Variants in MDGA1 observed in about 807,000 individuals in gnomAD.
The protein encoded by MDGA1 is MAM domain containing glycosylphosphatidylinositol anchor 1.
A neutral mutation model predicts 101.5 loss-of-function variants in MDGA1; 54 were observed. The observed-to-expected ratio is 0.53, with a 90% CI of 0.43 to 0.67. The LOEUF (loss-of-function observed/expected upper bound fraction) is 0.67. MDGA1 is among the 30% of genes least tolerant of loss of function. MDGA1 has a pLI of 0.00. For missense variants in MDGA1, 1,083 were observed against 1,323.8 expected, an observed-to-expected ratio of 0.82 and a Z score of 2.82; for synonymous variants, 533 against 558.3, an observed-to-expected ratio of 0.95 and a Z score of 0.64.
chr6:37,677,267 C>T (rs1343621677), intron 1 of MDGA1, among the ~76,000 whole-genome samples: 1 of 152,188 alleles, frequency 6.6e-6, no homozygotes, highest in Non-Finnish European at 1.5e-5. Context: ...TTCCGTCACA[C>T]AACCCGGCAG....
chr6:37,643,807 A>C lies in MDGA1; in HGVS notation c.2536+2T>G. 1 of 1,613,526 alleles carries C rather than the reference A, an allele frequency of 6.2e-7. No homozygotes were observed. The highest frequency in any genetic ancestry group is 8.5e-7 in the Non-Finnish European group (1 of 1,179,730). On this transcript the variant is annotated splice_donor_variant, in intron 14 of 16. Coordinates refer to ENST00000434837, the MANE Select transcript of MDGA1 (RefSeq NM_153487.4). LOFTEE classifies it high-confidence loss of function. Reference sequence around the variant, plus strand: ...TGGAGACTACCTGGCCCCCCAACTCACCGATGTGTTTCCCGTACATGTGGT... The same window carrying C: ...TGGAGACTACCTGGCCCCCCAACTCCCCGATGTGTTTCCCGTACATGTGGT...
chr6:37,653,375 C>A (rs990459344), intron 6 of MDGA1, among the ~76,000 whole-genome samples: 6 of 152,150 alleles, frequency 3.9e-5, no homozygotes, highest in African/African-American at 1.2e-4. Context: ...TAGTTTCTTT[C>A]TGTGAGGAGA....
chr6:37,650,016 G>A (rs762895082), intron 8 of MDGA1, 93 bp downstream of exon 8: 29 of 1,502,240 alleles, frequency 1.9e-5, no homozygotes, highest in Non-Finnish European at 2.7e-5. Context: ...GGTTTGGTTG[G>A]ACTGGGGTGG....
chr6:37,677,075 C>T (rs1761995862), intron 1 of MDGA1, among the ~76,000 whole-genome samples: 1 of 152,144 alleles, frequency 6.6e-6, no homozygotes, highest in South Asian at 2.1e-4. Context: ...ATCATGTAAA[C>T]TGTAAAGTTC....
chr6:37,641,531 C>T lies in MDGA1; in HGVS notation c.2536+2278G>A, dbSNP rs574091156. On this transcript the variant is annotated intron_variant, in intron 14 of 16. Transcript: ENST00000434837. ...CTAATGCCTCCAAAATCTCCCCTTT[C>T]GCTATCTTGACCAAGTTATGTAACA... Among the ~76,000 whole-genome samples the T allele has an allele frequency of 8.5e-4, 129 of 152,340 alleles. 1 individual carries two copies. The highest frequency in any genetic ancestry group is 3.0e-3 in the African/African-American group (123 of 41,570).
intron 14 of MDGA1, among the ~76,000 whole-genome samples, chr6:37,640,595 G>A (rs1452025684): frequency 6.6e-6 from 1 of 152,152 alleles, no homozygotes; most frequent in South Asian, 2.1e-4. Flanking sequence ...GGGATTACAG[G>A]CGTGAGCCAC....
chr6:37,649,428 A>G (rs1374315951), intron 8 of MDGA1, among the ~76,000 whole-genome samples, 162 bp from the exon 9 acceptor site: 1 of 152,134 alleles, frequency 6.6e-6, no homozygotes, highest in Admixed American at 6.5e-5. Context: ...AATGGCCACG[A>G]TCTTACCTCC....
chr6:37,685,072 C>A (rs537366007), intron 1 of MDGA1, among the ~76,000 whole-genome samples: 1 of 152,068 alleles, frequency 6.6e-6, no homozygotes, highest in African/African-American at 2.4e-5. Flanking sequence ...GAGGCCGAGG[C>A]GGGCAGATTG....
At chr6:37,690,799 G>A (rs535031863) in intron 1 of MDGA1, among the ~76,000 whole-genome samples, 2 of 148,082 alleles carry the variant, frequency 1.4e-5, no homozygotes, top group Admixed American at 6.7e-5. Flanking sequence ...ATCCTTTACT[G>A]TTCCAGCCCT....
chr6:37,664,704 T>C (rs1761705541), intron 1 of MDGA1, among the ~76,000 whole-genome samples: 1 of 147,968 alleles, frequency 6.8e-6, no homozygotes, highest in Non-Finnish European at 1.5e-5. Context: ...CTAAGCTTCC[T>C]GAGCCACATC....
chr6:37,640,876 G>A (rs937159105), intron 14 of MDGA1, among the ~76,000 whole-genome samples: 1 of 152,170 alleles, frequency 6.6e-6, no homozygotes, highest in Admixed American at 6.5e-5. Context: ...TTCCTTTGGG[G>A]CTGGTGAGGA....
chr6:37,635,538 G>A lies in MDGA1; in HGVS notation c.*1830C>T. 2.5e-6 allele frequency: 1 copy of A among 398,686 alleles called. No homozygotes were observed. The highest frequency in any genetic ancestry group is 4.4e-6 in the Non-Finnish European group (1 of 226,092). 24.7% of individuals were successfully genotyped at this position (398,686 alleles called of 1,614,324 possible). A position where few individuals can be genotyped will look rare whatever the true frequency, so the allele number is the denominator to read the frequency against. On this transcript the variant is annotated 3_prime_UTR_variant, in exon 17 of 17. Transcript: ENST00000434837. ...CATCAGAAGGCCCCGCTGCATCCTG[G>A]CCCGGCCACCCACCAGCTGTTGGTG...
At position 37,650,194 on chromosome 6, in the gene MDGA1, C is replaced by T; in HGVS notation, c.1524G>A (p.Met508Ile). The change falls in exon 8 of 17, where the codon ATG (methionine) becomes ATA (isoleucine). Residue 508 changes from methionine (M) to isoleucine (I), a missense_variant. Transcript: ENST00000434837. ...CCGTCTGGCAGCGGTAGGTCCCGCT[C>T]ATGTCTCGGCTCACTCGCTCCAGCC... ...KLRLERVSRDMSGTYRCQTAR... is the reference protein window; with the variant it reads ...KLRLERVSRDISGTYRCQTAR... 9 of 1,613,214 alleles carry T rather than the reference C, an allele frequency of 5.6e-6. No individual in the cohort carries two copies. Among genetic ancestry groups the T allele is most frequent in the Non-Finnish European group, 7.6e-6 (9 of 1,179,766 alleles).
intron 9 of MDGA1, 88 bp downstream of exon 9, chr6:37,648,894 C>G (rs1044657998): frequency 6.8e-7 from 1 of 1,466,992 alleles, no homozygotes; most frequent in African/African-American, 1.5e-5. Context: ...CAGGCCCACC[C>G]AGGCAAAGAA....
intron 1 of MDGA1, among the ~76,000 whole-genome samples, chr6:37,670,910 C>A (rs779474228): frequency 2.6e-5 from 4 of 152,182 alleles, no homozygotes; most frequent in Non-Finnish European, 5.9e-5. Flanking sequence ...CAAACCCAGG[C>A]CTTCCACCTG....
chr6:37,692,942 A>C (rs1762344790), intron 1 of MDGA1, among the ~76,000 whole-genome samples: 3 of 152,184 alleles, frequency 2.0e-5, no homozygotes, highest in Admixed American at 2.0e-4. Flanking sequence ...CATCATGAGG[A>C]TCTTGACCCT....
chr6:37,697,012 G>A lies in MDGA1; in HGVS notation c.-201C>T. ...CTCCTCCGGCGGGGCCGCTGCCCGCGTGGGGACGCAGGGGGCGCTGGCCCA... is the reference window on the plus strand; with the variant it reads ...CTCCTCCGGCGGGGCCGCTGCCCGCATGGGGACGCAGGGGGCGCTGGCCCA... On this transcript the variant is annotated 5_prime_UTR_variant, in exon 1 of 17. It adds an upstream start codon to the 5' untranslated region. Transcript: ENST00000434837. 1.8e-6 allele frequency: 1 copy of A among 549,116 alleles called. No homozygotes were observed. Among genetic ancestry groups the A allele is most frequent in the East Asian group, 3.1e-5 (1 of 32,146 alleles). The allele number at this position is 549,116 out of a possible 1,614,324, so 34.0% of individuals were successfully genotyped here. A position where few individuals can be genotyped will look rare whatever the true frequency, so the allele number is the denominator to read the frequency against.
intron 7 of MDGA1, among the ~76,000 whole-genome samples, chr6:37,650,891 T>C (rs902836306): frequency 7.9e-5 from 12 of 152,198 alleles, no homozygotes; most frequent in African/African-American, 2.9e-4. Context: ...AGAGTACATC[T>C]CCCAGCCTGC....
intron 2 of MDGA1, among the ~76,000 whole-genome samples, chr6:37,659,425 T>A (rs1761572184): frequency 6.6e-6 from 1 of 151,890 alleles, no homozygotes. Flanking sequence ...AAATTTCTAT[T>A]ATTATTAATA....
Sources: gnomAD v4.1 joint callset for allele counts (sites outside exome capture counted in the v4.1 genomes callset) on GRCh38, gnomAD v4.1.1 for gene constraint, MANE v1.5 for transcripts, NCBI Gene and HGNC (gene_info 2026-07-23, HGNC 2026-07-21) for gene names.